RIT2: variants seen among roughly 807,000 people sequenced by gnomAD.
RIT2 encodes GTP-binding protein Rit2.
In RIT2, 24 loss-of-function variants were observed where a neutral mutation model predicts 23.7. The ratio of observed to expected loss-of-function variants is 1.01; its 90% CI spans 0.73 to 1.43. The LOEUF (loss-of-function observed/expected upper bound fraction) is 1.43. Ranked by LOEUF, RIT2 falls within the 40% of genes most tolerant of loss-of-function variation. RIT2 has a pLI of 0.00. For synonymous variants in RIT2, 107 were observed against 91.1 expected (o/e 1.17, Z -0.99); for missense variants, 236 against 266.9 (o/e 0.88, Z 0.81).
intron 2 of RIT2, among the ~76,000 whole-genome samples, chr18:43,026,319 G>A (rs1324265513): frequency 1.3e-5 from 2 of 152,052 alleles, no homozygotes; most frequent in African/African-American, 2.4e-5. Context: ...ACTTTGGGAA[G>A]CCAACGCTGG....
intron 1 of RIT2, among the ~76,000 whole-genome samples, chr18:43,097,616 A>G (rs80121731): frequency 0.11 from 17,219 of 151,960 alleles, 1,302 homozygotes; most frequent in East Asian, 0.37. Context: ...TTTGTCTGGA[A>G]CAAAGTGTTT....
intron 4 of RIT2, among the ~76,000 whole-genome samples, chr18:42,922,938 T>A (rs138946399): frequency 1.3e-5 from 2 of 152,100 alleles, no homozygotes; most frequent in Non-Finnish European, 2.9e-5. Context: ...GTTTTGATCA[T>A]CTATTGCTGC....
chr18:42,847,848 A>G (rs1455395338), intron 4 of RIT2, among the ~76,000 whole-genome samples: 1 of 151,620 alleles, frequency 6.6e-6, no homozygotes, highest in Non-Finnish European at 1.5e-5. Flanking sequence ...ATTTGAATTA[A>G]CAAATTGCTG....
chr18:43,092,902 T>C (rs1278572356), intron 1 of RIT2, among the ~76,000 whole-genome samples: 1 of 152,078 alleles, frequency 6.6e-6, no homozygotes, highest in East Asian at 1.9e-4. Context: ...TGTCTTTTTG[T>C]TAGTAAAAGT....
At chr18:42,827,873 C>T (rs1360271015) in intron 4 of RIT2, among the ~76,000 whole-genome samples, 2 of 151,724 alleles carry the variant, frequency 1.3e-5, no homozygotes, top group Non-Finnish European at 2.9e-5. Flanking sequence ...GGCATGGTGG[C>T]ACGCGCCTGT....
At chr18:42,921,390 A>G (rs986141264) in intron 4 of RIT2, among the ~76,000 whole-genome samples, 3 of 152,144 alleles carry the variant, frequency 2.0e-5, no homozygotes, top group African/African-American at 7.2e-5. Flanking sequence ...TCAAATCTGC[A>G]AAGTTACTCA....
At chr18:43,037,917 G>A (rs920898879) in intron 1 of RIT2, among the ~76,000 whole-genome samples, 2 of 151,948 alleles carry the variant, frequency 1.3e-5, no homozygotes, top group Non-Finnish European at 1.5e-5. Context: ...GAAATTAATA[G>A]TTTCAGGCCG....
intron 4 of RIT2, among the ~76,000 whole-genome samples, chr18:42,884,299 GA>G (rs1907966772): frequency 6.6e-6 from 1 of 152,120 alleles, no homozygotes; most frequent in Admixed American, 6.5e-5. Context: ...ACTCTCAAAG[GA>G]AATTACTCTC....
intron 2 of RIT2, among the ~76,000 whole-genome samples, chr18:43,017,292 G>A (rs960225520): frequency 2.6e-4 from 39 of 151,720 alleles, no homozygotes; most frequent in African/African-American, 9.4e-4. Context: ...TCAATATGTA[G>A]GTCATGTCTA....
At chr18:42,894,110 C>CAGCT (rs1598703823) in intron 4 of RIT2, among the ~76,000 whole-genome samples, 1 of 152,192 alleles carries the variant, frequency 6.6e-6, no homozygotes, top group East Asian at 1.9e-4. Context: ...TGATCCCTTG[C>CAGCT]AGCTGTACAT....
intron 1 of RIT2, among the ~76,000 whole-genome samples, chr18:43,050,939 C>T (rs2144309185): frequency 6.6e-6 from 1 of 152,192 alleles, no homozygotes; most frequent in Admixed American, 6.5e-5. Context: ...AACTGGTAAA[C>T]ATAAGTAAGT....
intron 1 of RIT2, among the ~76,000 whole-genome samples, chr18:43,093,211 G>A (rs1273739587): frequency 1.3e-5 from 2 of 148,580 alleles, no homozygotes; most frequent in East Asian, 3.9e-4. Context: ...AGAAAATAGA[G>A]CCCTAAAGTA....
intron 4 of RIT2, among the ~76,000 whole-genome samples, chr18:42,891,143 G>A: frequency 6.6e-6 from 1 of 152,108 alleles, no homozygotes; most frequent in East Asian, 1.9e-4. Context: ...GGACAGAGCT[G>A]AACAACAGAG....
intron 4 of RIT2, among the ~76,000 whole-genome samples, chr18:42,912,560 T>C (rs1908798195): frequency 6.6e-6 from 1 of 151,948 alleles, no homozygotes; most frequent in Admixed American, 6.6e-5. Flanking sequence ...CTAATAAGTT[T>C]CTCTCGTGTT....
At chr18:42,961,184 T>C (rs1598730966) in intron 3 of RIT2, among the ~76,000 whole-genome samples, 1 of 152,246 alleles carries the variant, frequency 6.6e-6, no homozygotes, top group Non-Finnish European at 1.5e-5. Flanking sequence ...ACCCAGCTGA[T>C]ATGTATCCTA....
intron 4 of RIT2, among the ~76,000 whole-genome samples, chr18:42,834,273 T>C (rs577958120): frequency 6.6e-6 from 1 of 152,322 alleles, no homozygotes; most frequent in Middle Eastern, 3.4e-3. Flanking sequence ...TTTTGTAGAC[T>C]GAGAATCCAA....
In RIT2 at chr18:42,990,932, A is replaced by T. The variant is rs866197602; in HGVS notation, c.161-16785T>A. Among the ~76,000 whole-genome samples, 53 of 40,278 alleles carry T rather than the reference A, an allele frequency of 1.3e-3. 1 individual carries two copies. In the East Asian group the frequency reaches 0.044, roughly 34 times the overall value. 26.4% of individuals were successfully genotyped at this position (40,278 alleles called of 152,430 possible). ...GTTTTGTTTTTTTTTTTTTTTTTTT[A>T]AAGACTAACCAAAGGAGTACAGAGA... is the stretch of plus-strand genomic sequence containing the variant. On this transcript the variant is annotated intron_variant, in intron 2 of 4. Coordinates refer to ENST00000326695, the MANE Select transcript of RIT2 (RefSeq NM_002930.4).
At chr18:42,913,504 C>G (rs1908825582) in intron 4 of RIT2, among the ~76,000 whole-genome samples, 1 of 151,422 alleles carries the variant, frequency 6.6e-6, no homozygotes, top group Non-Finnish European at 1.5e-5. Flanking sequence ...CCAGAATATG[C>G]AAAGAACTCT....
At chr18:42,913,550 GA>G (rs1908828237) in intron 4 of RIT2, among the ~76,000 whole-genome samples, 1 of 151,534 alleles carries the variant, frequency 6.6e-6, no homozygotes, top group Non-Finnish European at 1.5e-5. Context: ...AATCCAACCA[GA>G]AAATAGTCAA....
Sources: allele counts gnomAD v4.1 joint callset (sites outside exome capture counted in the v4.1 genomes callset), GRCh38; gene constraint gnomAD v4.1.1; transcripts MANE v1.5; gene names NCBI Gene and HGNC (gene_info 2026-07-23, HGNC 2026-07-21).